The following F5 variants were observed in gnomAD, a reference collection of about 807,000 sequenced individuals.
The protein encoded by F5 is coagulation factor V.
F5 carries 138 observed loss-of-function variants against 216.4 expected under a neutral mutation model. The ratio of observed to expected loss-of-function variants is 0.64; its 90% CI spans 0.56 to 0.73. F5 has a LOEUF of 0.73. Among genes scored for constraint, F5 ranks in the 30% least tolerant of loss-of-function variants. The pLI is 0.00. For missense variants in F5, 2,403 were observed against 2,674.0 expected, an observed-to-expected ratio of 0.90 and a Z score of 2.24; for synonymous variants, 916 against 930.7, an observed-to-expected ratio of 0.98 and a Z score of 0.29.
chr1:169,546,035 T>A (rs1557918258), intron 11 of F5, among the ~76,000 whole-genome samples: 1 of 152,198 alleles, frequency 6.6e-6, no homozygotes, highest in Non-Finnish European at 1.5e-5. Flanking sequence ...GATGTGTCAA[T>A]CCATCTTTGG....
At chr1:169,560,825 A>C in intron 3 of F5, 59 bp from the exon 4 acceptor site, 1 of 1,500,400 alleles carries the variant, frequency 6.7e-7, no homozygotes, top group Non-Finnish European at 9.3e-7. Flanking sequence ...CGTTTTCACC[A>C]CTCTCAAATC....
Position 169,541,033 on chromosome 1 carries a change from C to T in F5, c.4057G>A (p.Gly1353Ser), listed in dbSNP as rs376610549. 30 of 1,593,264 alleles carry T rather than the reference C, an allele frequency of 1.9e-5. No homozygotes were observed. The highest frequency in any genetic ancestry group is 8.6e-5 in the Admixed American group (5 of 58,024). Residue 1353 changes from glycine (G) to serine (S), a missense_variant, in exon 13 of 25, where the codon GGT becomes AGT. By Grantham distance (56) the Gly-to-Ser change is moderately conservative. Coordinates refer to ENST00000367797, the MANE Select transcript of F5 (RefSeq NM_000130.5). ...GGGTCTGGAGAAAGGGGCATCTGACCGAGGGCTGGGGAAAGGTTTGTTTGA... is the reference window on the plus strand; with the variant it reads ...GGGTCTGGAGAAAGGGGCATCTGACTGAGGGCTGGGGAAAGGTTTGTTTGA... ...LSQTNLSPAL[G>S]QMPLSPDPSH...
intron 23 of F5, 59 bp downstream of exon 23, chr1:169,518,352 TG>T: frequency 1.3e-6 from 2 of 1,592,814 alleles, no homozygotes; most frequent in Non-Finnish European, 1.7e-6. Flanking sequence ...TTTGTGGTAG[TG>T]AGGGCCTTTG....
At chr1:169,536,827 A>C in intron 13 of F5, 147 bp from the exon 14 acceptor site, 1 of 634,648 alleles carries the variant, frequency 1.6e-6, no homozygotes, top group South Asian at 1.9e-5. Flanking sequence ...ATATAAGTGG[A>C]TAAAAACAAA....
chr1:169,546,516 ATGT>A lies in F5; in HGVS notation c.1685_1687del (p.Asn562del), dbSNP rs1410023375. The A allele has an allele frequency of 1.2e-6, 2 of 1,614,174 alleles. No individual in the cohort carries two copies. Among genetic ancestry groups the A allele is most frequent in the African/African-American group, 1.3e-5 (1 of 75,048 alleles). On this transcript the variant is annotated inframe_deletion, in exon 11 of 25. Transcript: ENST00000367797. ...ATCAGGATTTTCACAAAACTTGTTG[ATGT>A]TGTCCTCAAGGTACCAGCTTTTGTT...
rs751632202 is a variant in F5 at position 169,524,821 on chromosome 1, T to A, written c.5788+16A>T. 6.2e-7 allele frequency: 1 copy of A among 1,610,114 alleles called. No individual in the cohort carries two copies. The highest frequency in any genetic ancestry group is 8.5e-7 in the Non-Finnish European group (1 of 1,176,428). ...TGTAGGGGGTACCATTCACAGACCA[T>A]GGTGCTACAACTTACCCAGAAACTC... On this transcript the variant is annotated intron_variant, in intron 19 of 24. Transcript: ENST00000367797.
chr1:169,541,675 G>A lies in F5; in HGVS notation c.3415C>T (p.His1139Tyr). The change falls in exon 13 of 25, where the codon CAC (histidine) becomes TAC (tyrosine). Residue 1139 changes from histidine to tyrosine, a missense_variant. Physicochemically the swap from His to Tyr is moderately conservative, Grantham distance 83 (BLOSUM62 2). Transcript: ENST00000367797. ...TFPIQDPDQMHSTSDPSHRSS... is the reference protein window; with the variant it reads ...TFPIQDPDQMYSTSDPSHRSS... ...CTGTGACTGGGGTCTGAAGTAGAGT[G>A]CATTTGATCAGGGTCTTGAATGGGG... 1 of 1,614,118 alleles carries A rather than the reference G, an allele frequency of 6.2e-7. No individual in the cohort carries two copies. The highest frequency in any genetic ancestry group is 1.7e-4 in the Middle Eastern group (1 of 6,060).
chr1:169,564,114 T>G (rs1468274115), intron 3 of F5, among the ~76,000 whole-genome samples: 1 of 152,090 alleles, frequency 6.6e-6, no homozygotes, highest in Non-Finnish European at 1.5e-5. Flanking sequence ...TTCTATCCAG[T>G]GCTCATTTAT....
intron 24 of F5, 100 bp downstream of exon 24, chr1:169,515,344 G>T: frequency 7.5e-7 from 1 of 1,327,282 alleles, no homozygotes; most frequent in Non-Finnish European, 1.1e-6. Flanking sequence ...ACTTAAAGAG[G>T]TGGTACATGT....
Position 169,529,712 on chromosome 1 carries a change from A to T in F5, c.5315T>A (p.Leu1772Gln). Residue 1772 changes from leucine (L) to glutamine (Q), a missense_variant, in exon 16 of 25, where the codon CTA (leucine) becomes CAA (glutamine). Physicochemically the swap from Leu to Gln is moderately radical, Grantham distance 113 (BLOSUM62 -2). Around this residue, in one of 4 missense-constraint regions of F5, gnomAD observed 659 missense variants for 787.9 expected, o/e 0.84. Coordinates refer to ENST00000367797, the MANE Select transcript of F5 (RefSeq NM_000130.5). Reference protein sequence around the residue: ...MPMDMREFVLLFMTFDEKKSW... With the variant: ...MPMDMREFVLQFMTFDEKKSW... ...CTTCTTTTCATCAAAGGTCATAAAT[A>T]GTAAGACAAATTCTCTCATGTCCAT... is the stretch of plus-strand genomic sequence containing the variant. 1 of 1,613,878 alleles carries T rather than the reference A, an allele frequency of 6.2e-7. No homozygotes were observed. The highest frequency in any genetic ancestry group is 8.5e-7 in the Non-Finnish European group (1 of 1,179,820).
intron 14 of F5, among the ~76,000 whole-genome samples, chr1:169,533,332 C>G (rs1037460890): frequency 6.6e-6 from 1 of 152,172 alleles, no homozygotes; most frequent in Non-Finnish European, 1.5e-5. Flanking sequence ...TAGGAAACAC[C>G]ATTCTGGATA....
intron 2 of F5, among the ~76,000 whole-genome samples, chr1:169,577,564 T>C (rs1216894203): frequency 1.4e-4 from 3 of 22,142 alleles, no homozygotes; most frequent in African/African-American, 3.2e-4. Flanking sequence ...AATTTAAATA[T>C]ATATATATAT....
intron 2 of F5, among the ~76,000 whole-genome samples, chr1:169,573,195 G>A (rs188506274): frequency 6.1e-4 from 93 of 152,164 alleles, no homozygotes; most frequent in African/African-American, 1.2e-3. Context: ...TGATACACCC[G>A]CCTCAGCCTC....
At position 169,542,485 on chromosome 1, in the gene F5, T is replaced by G. The variant is rs148829900; in HGVS notation, c.2605A>C (p.Lys869Gln). 4 of 1,613,984 alleles carry G rather than the reference T, an allele frequency of 2.5e-6. No individual in the cohort carries two copies. The African/African-American group carries it at 5.3e-5, about 22-fold the overall frequency. Reference sequence around the variant, plus strand: ...TTTGCTGCTTGATCTCTTTCTACCTTGGGTCCCTTATGCTTAGCATGTTCT... The same window carrying G: ...TTTGCTGCTTGATCTCTTTCTACCTGGGGTCCCTTATGCTTAGCATGTTCT... ...SQEHAKHKGP[K>Q]VERDQAAKHR... Residue 869 changes from lysine to glutamine, a missense_variant, in exon 13 of 25, where the codon AAG becomes CAG. By Grantham distance (53) the Lys-to-Gln change is moderately conservative. Transcript: ENST00000367797.
At chr1:169,566,395 A>C (rs12402407) in intron 3 of F5, among the ~76,000 whole-genome samples, 41,537 of 151,846 alleles carry the variant, frequency 0.27, 6,022 homozygotes, top group South Asian at 0.36. Flanking sequence ...TCCTCCCTTT[A>C]TTTTTCTGGG....
At chr1:169,564,747 C>T (rs188875550) in intron 3 of F5, among the ~76,000 whole-genome samples, 154 of 152,146 alleles carry the variant, frequency 1.0e-3, no homozygotes, top group Non-Finnish European at 1.8e-3. Context: ...CCACTCAAAA[C>T]GCTTTGCATG....
At chr1:169,525,411 GTTA>G (rs1659423299) in intron 18 of F5, among the ~76,000 whole-genome samples, 1 of 152,150 alleles carries the variant, frequency 6.6e-6, no homozygotes, top group Admixed American at 6.6e-5. Context: ...AAGTTACAAG[GTTA>G]TTTATATCTT....
At chr1:169,548,886 AAAAC>A (rs1395718758) in intron 10 of F5, among the ~76,000 whole-genome samples, 1 of 151,970 alleles carries the variant, frequency 6.6e-6, no homozygotes, top group Non-Finnish European at 1.5e-5. Context: ...AAAAAAAAAA[AAAAC>A]AAATCCCAAA....
chr1:169,569,867 A>G (rs924986570), intron 3 of F5, among the ~76,000 whole-genome samples: 2 of 152,074 alleles, frequency 1.3e-5, no homozygotes, highest in African/African-American at 4.8e-5. Flanking sequence ...TAACTGGCTC[A>G]GCATGCAGTT....
Sources: gnomAD v4.1 joint callset for allele counts (sites outside exome capture counted in the v4.1 genomes callset) on GRCh38, gnomAD v4.1.1 for gene constraint, gnomAD v4.1.1 regional missense constraint, MANE v1.5 for transcripts, NCBI Gene and HGNC (gene_info 2026-07-23, HGNC 2026-07-21) for gene names.